The following CDK7 variants were observed in gnomAD, a reference collection of about 807,000 sequenced individuals.
The protein encoded by CDK7 is cyclin-dependent kinase 7.
Under a neutral mutation model 49.1 loss-of-function variants are expected in CDK7, and 25 were observed. The observed-to-expected ratio is 0.51, with a 90% CI of 0.37 to 0.71. The LOEUF is 0.71. Ranked by LOEUF, CDK7 falls within the 30% of genes least tolerant of loss-of-function variation. The pLI is 0.00. For missense variants in CDK7, 316 were observed against 411.7 expected, an observed-to-expected ratio of 0.77 and a Z score of 2.01; for synonymous variants, 107 against 140.0, an observed-to-expected ratio of 0.76 and a Z score of 1.67.
Position 69,246,462 on chromosome 5 carries a change from G to A in CDK7, c.127-5956G>A, listed in dbSNP as rs552821751. 6.9e-4 allele frequency among the ~76,000 whole-genome samples: 105 copies of A among 152,186 alleles called. 1 individual carries two copies. Among genetic ancestry groups the A allele is most frequent in the African/African-American group, 2.2e-3 (93 of 41,534 alleles). On this transcript the variant is annotated intron_variant, in intron 2 of 11. Coordinates refer to ENST00000256443, the MANE Select transcript of CDK7 (RefSeq NM_001799.4). ...AAGTTTATTAAAAAGCTCTAGAAGA[G>A]TAGGAAAGAAATGAAAGTGCACTTG...
chr5:69,248,790 C>CTTTTT (rs61331502), intron 2 of CDK7, among the ~76,000 whole-genome samples: 24 of 110,430 alleles, frequency 2.2e-4, no homozygotes, highest in Non-Finnish European at 2.7e-4. Context: ...ACCTTCTTTT[C>CTTTTT]TTTTTTTTTT....
intron 2 of CDK7, among the ~76,000 whole-genome samples, chr5:69,242,693 T>G (rs575736703): frequency 1.3e-5 from 2 of 152,170 alleles, no homozygotes; most frequent in Non-Finnish European, 2.9e-5. Flanking sequence ...TTAAACTGAA[T>G]TTCTCCCATA....
At chr5:69,262,172 G>A (rs1561366532) in intron 7 of CDK7, 33 bp from the exon 8 acceptor site, 2 of 1,612,370 alleles carry the variant, frequency 1.2e-6, no homozygotes, top group Non-Finnish European at 8.5e-7. Context: ...ATAATTTCAT[G>A]CTAAAATGAT....
chr5:69,252,500 T>A, intron 3 of CDK7, 49 bp downstream of exon 3: 1 of 559,058 alleles, frequency 1.8e-6, no homozygotes, highest in East Asian at 4.7e-5. Context: ...TCTCCTTTTT[T>A]TTTTTTTTTT....
At position 69,261,532 on chromosome 5, in the gene CDK7, G is replaced by A. The variant is rs536077503; in HGVS notation, c.528-673G>A. Among the ~76,000 whole-genome samples the A allele has an allele frequency of 1.4e-4, 20 of 147,630 alleles. No individual in the cohort carries two copies. In the East Asian group the frequency reaches 4.1e-3, roughly 30 times the overall value. ...TGTGTGTGTGTGTGTGTGTATGTGT[G>A]TGTGGTGTTTTGTTTTGAGACGGAA... is the stretch of plus-strand genomic sequence containing the variant. On this transcript the variant is annotated intron_variant, in intron 7 of 11. Transcript: ENST00000256443.
chr5:69,274,108 A>G (rs1473563853), intron 10 of CDK7, among the ~76,000 whole-genome samples: 1 of 152,180 alleles, frequency 6.6e-6, no homozygotes, highest in East Asian at 1.9e-4. Context: ...TAAACTTGAG[A>G]CCACATTTAA....
At position 69,260,004 on chromosome 5, in the gene CDK7, A is replaced by C. The variant is rs1750715203; in HGVS notation, c.527+68A>C. The C allele has an allele frequency of 3.1e-6, 3 of 970,602 alleles. No homozygotes were observed. In the East Asian group the frequency reaches 7.2e-5, roughly 23 times the overall value. 60.1% of individuals were successfully genotyped at this position (970,602 alleles called of 1,614,324 possible). A position where few individuals can be genotyped will look rare whatever the true frequency, so the allele number is the denominator to read the frequency against. ...AATGAGCATCAACTGGCTTCTCTGAACTATCTTGGCAGAGTTAAGGAATCA... is the reference window on the plus strand; with the variant it reads ...AATGAGCATCAACTGGCTTCTCTGACCTATCTTGGCAGAGTTAAGGAATCA... On this transcript the variant is annotated intron_variant, in intron 7 of 11. Transcript: ENST00000256443.
intron 9 of CDK7, among the ~76,000 whole-genome samples, chr5:69,271,848 T>G (rs1040205489): frequency 6.6e-6 from 1 of 152,144 alleles, no homozygotes; most frequent in African/African-American, 2.4e-5. Context: ...TCTACAAGTT[T>G]TGTAGTTTTA....
At chr5:69,237,165 G>A (rs1240416680) in intron 2 of CDK7, among the ~76,000 whole-genome samples, 1 of 151,716 alleles carries the variant, frequency 6.6e-6, no homozygotes, top group Non-Finnish European at 1.5e-5. Flanking sequence ...CAGTGGCACA[G>A]CCATAGCTCA....
intron 6 of CDK7, among the ~76,000 whole-genome samples, chr5:69,259,186 A>G (rs1750672473): frequency 6.6e-6 from 1 of 152,192 alleles, no homozygotes; most frequent in South Asian, 2.1e-4. Context: ...AACTCATACA[A>G]TGCCAAAATA....
chr5:69,261,627 T>C (rs2150215654), intron 7 of CDK7, among the ~76,000 whole-genome samples: 1 of 151,694 alleles, frequency 6.6e-6, no homozygotes, highest in Non-Finnish European at 1.5e-5. Flanking sequence ...GCCTCCCGGG[T>C]TCAAGCAATT....
rs376469145 is a variant in CDK7 at position 69,261,488 on chromosome 5, C to CTGTGTGTGTGTGTGTG, written c.528-716_528-715insGTGTGTGTGTGTGTGT. On this transcript the variant is annotated intron_variant, in intron 7 of 11. Transcript: ENST00000256443. ...GGATGAAAGCCTGATTGAAAAGGTT[C>CTGTGTGTGTGTGTGTG]TCTGTGTGTGTGTGTGTGTGTGTGT... Among the ~76,000 whole-genome samples the CTGTGTGTGTGTGTGTG allele has an allele frequency of 7.2e-3, 863 of 120,090 alleles. 5 individuals are homozygous for CTGTGTGTGTGTGTGTG. The highest frequency in any genetic ancestry group is 0.015 in the East Asian group (59 of 3,880). The allele number at this position is 120,090 out of a possible 152,430, so 78.8% of individuals were successfully genotyped here.
rs183424956 is a variant in CDK7, at chr5:69,249,205, A to G, written c.127-3213A>G. On this transcript the variant is annotated intron_variant, in intron 2 of 11. Coordinates refer to ENST00000256443, the MANE Select transcript of CDK7 (RefSeq NM_001799.4). ...TCTGTTTTCAAATAGCCTGTCTTCAAGCTCATTAATTCTGCCTTCTGCTTT... is the reference window on the plus strand; with the variant it reads ...TCTGTTTTCAAATAGCCTGTCTTCAGGCTCATTAATTCTGCCTTCTGCTTT... Among the ~76,000 whole-genome samples the G allele has an allele frequency of 3.8e-3, 576 of 151,918 alleles. 6 individuals carry two copies. Among genetic ancestry groups the G allele is most frequent in the African/African-American group, 0.013 (538 of 41,424 alleles).
At chr5:69,244,348 G>A (rs1749587702) in intron 2 of CDK7, among the ~76,000 whole-genome samples, 1 of 151,908 alleles carries the variant, frequency 6.6e-6, no homozygotes, top group South Asian at 2.1e-4. Context: ...GGAGTCTTTA[G>A]GTTTTCCCAA....
At chr5:69,243,654 C>T (rs1333521876) in intron 2 of CDK7, among the ~76,000 whole-genome samples, 3 of 151,756 alleles carry the variant, frequency 2.0e-5, no homozygotes. Context: ...GATTGTTTTT[C>T]CTATTTCCAT....
At chr5:69,259,158 T>C (rs576143258) in intron 6 of CDK7, among the ~76,000 whole-genome samples, 1 of 151,904 alleles carries the variant, frequency 6.6e-6, no homozygotes, top group Non-Finnish European at 1.5e-5. Context: ...GAAAAAAATA[T>C]AGAGATGGTC....
At chr5:69,276,391 A>G (rs1752142764) in intron 10 of CDK7, 152 bp from the exon 11 acceptor site, 3 of 669,228 alleles carry the variant, frequency 4.5e-6, no homozygotes, top group East Asian at 5.4e-5. Context: ...AGTAATTTCC[A>G]TTTGCAAATA....
At chr5:69,243,997 T>C (rs1749564243) in intron 2 of CDK7, among the ~76,000 whole-genome samples, 1 of 151,864 alleles carries the variant, frequency 6.6e-6, no homozygotes, top group Non-Finnish European at 1.5e-5. Context: ...CACAGCTGGC[T>C]AATTTTTTGT....
At chr5:69,246,356 C>T (rs762299062) in intron 2 of CDK7, among the ~76,000 whole-genome samples, 4 of 152,016 alleles carry the variant, frequency 2.6e-5, no homozygotes, top group African/African-American at 4.8e-5. Context: ...AGGATGGTCT[C>T]GATCTTCTGA....
Sources: allele counts gnomAD v4.1 joint callset (sites outside exome capture counted in the v4.1 genomes callset), GRCh38; gene constraint gnomAD v4.1.1; transcripts MANE v1.5; gene names NCBI Gene and HGNC (gene_info 2026-07-23, HGNC 2026-07-21).